Variants in ATM observed in about 807,000 individuals in gnomAD.
ATM encodes ATM serine/threonine kinase.
Under a neutral mutation model 387.0 loss-of-function variants are expected in ATM, and 308 were observed. That is an observed-to-expected ratio of 0.80 (90% CI 0.73 to 0.87). The LOEUF (loss-of-function observed/expected upper bound fraction) is 0.87. Among genes scored for constraint, ATM ranks in the 40% least tolerant of loss-of-function variants. ATM has a pLI of 0.00. For missense variants in ATM, 3,312 were observed against 3,560.9 expected, an observed-to-expected ratio of 0.93 and a Z score of 1.78; for synonymous variants, 1,156 against 1,187.3, an observed-to-expected ratio of 0.97 and a Z score of 0.54.
In ATM at chr11:108,333,900, C is replaced by T. The variant is rs878853547; in HGVS notation, c.7942C>T (p.Pro2648Ser). ...TTTAAATACAGAAGGCATAAATATT[C>T]CAGCAGACCAGCCAATTACTAAACT... ...WKTQRKGINI[P>S]ADQPITKLKN... Residue 2648 changes from proline to serine, a missense_variant, in exon 54 of 63, where the codon CCA (proline) becomes TCA (serine). By Grantham distance (74) the Pro-to-Ser change is moderately conservative (BLOSUM62 -1). Transcript: ENST00000675843. The T allele has an allele frequency of 7.5e-6, 12 of 1,608,546 alleles. No individual in the cohort carries two copies. Among genetic ancestry groups the T allele is most frequent in the Non-Finnish European group, 1.0e-5 (12 of 1,175,052 alleles).
At position 108,252,913 on chromosome 11, in the gene ATM, G is replaced by T. The variant is rs758325274; in HGVS notation, c.1898+1G>T. ...ATTTTTTCCAAAGCGTGCCAGAATG[G>T]TATGTTATCTAATAATGCTCTTTAT... is the stretch of plus-strand genomic sequence containing the variant. On this transcript the variant is annotated splice_donor_variant, in intron 12 of 62. Coordinates refer to ENST00000675843, the MANE Select transcript of ATM (RefSeq NM_000051.4). LOFTEE classifies it high-confidence loss of function. 1 of 1,602,480 alleles carries T rather than the reference G, an allele frequency of 6.2e-7. No individual in the cohort carries two copies. The highest frequency in any genetic ancestry group is 1.1e-5 in the South Asian group (1 of 90,760).
At chr11:108,341,522 C>A (rs2087577086) in intron 56 of ATM, among the ~76,000 whole-genome samples, 1 of 152,018 alleles carries the variant, frequency 6.6e-6, no homozygotes, top group South Asian at 2.1e-4. Flanking sequence ...TGTAATACGC[C>A]CCCAACAAAT....
In ATM at chr11:108,251,890, C is replaced by A. The variant is rs1060501694; in HGVS notation, c.1661C>A (p.Thr554Lys). Residue 554 changes from threonine (T) to lysine (K), a missense_variant, in exon 11 of 63, where the codon ACG (threonine) becomes AAG (lysine). This residue lies in a region of ATM where 1,791 missense variants were observed against 1,804.5 expected (regional missense o/e 0.99). Coordinates refer to ENST00000675843, the MANE Select transcript of ATM (RefSeq NM_000051.4). ...CTGACCACCAGTATAGTTCCAGGAA[C>A]GGTAAAAATGGGAATAGAGCAAAAT... ...LALTTSIVPG[T>K]VKMGIEQNMC... 6.2e-7 allele frequency: 1 copy of A among 1,613,582 alleles called. No individual in the cohort carries two copies. Among genetic ancestry groups the A allele is most frequent in the East Asian group, 2.2e-5 (1 of 44,856 alleles).
chr11:108,237,911 T>G (rs911989538), intron 5 of ATM, among the ~76,000 whole-genome samples: 3 of 148,332 alleles, frequency 2.0e-5, no homozygotes, highest in Admixed American at 1.3e-4. Context: ...TTTTTTTTTT[T>G]TTTTTTTTTT....
At chr11:108,249,923 TG>T (rs1230186929) in intron 9 of ATM, among the ~76,000 whole-genome samples, 1 of 152,180 alleles carries the variant, frequency 6.6e-6, no homozygotes, top group Non-Finnish European at 1.5e-5. Flanking sequence ...ACACCTGTTA[TG>T]GGCTAAGCGT....
At chr11:108,354,938 G>GT in intron 61 of ATM, 64 bp downstream of exon 61, 6 of 1,329,866 alleles carry the variant, frequency 4.5e-6, no homozygotes, top group Non-Finnish European at 6.5e-6. Flanking sequence ...TATCTCATCA[G>GT]GAAGTCACTG....
intron 29 of ATM, among the ~76,000 whole-genome samples, chr11:108,291,371 A>C (rs753354065): frequency 6.6e-6 from 1 of 152,170 alleles, no homozygotes; most frequent in Non-Finnish European, 1.5e-5. Flanking sequence ...TATAACATAA[A>C]ATTTTTTATT....
intron 57 of ATM, among the ~76,000 whole-genome samples, chr11:108,345,446 G>A (rs1446911895): frequency 6.6e-6 from 1 of 152,114 alleles, no homozygotes; most frequent in Non-Finnish European, 1.5e-5. Context: ...GAACTACTTA[G>A]GCATTTCTGT....
At position 108,259,068 on chromosome 11, in the gene ATM, A is replaced by G. The variant is rs952566855; in HGVS notation, c.2459A>G (p.Lys820Arg). 6.2e-7 allele frequency: 1 copy of G among 1,611,840 alleles called. No individual in the cohort carries two copies. Among genetic ancestry groups the G allele is most frequent in the African/African-American group, 1.3e-5 (1 of 74,882 alleles). Residue 820 changes from lysine (K) to arginine (R), a missense_variant, in exon 16 of 63, where the codon AAA (lysine) becomes AGA (arginine). Around this residue, in one of 4 missense-constraint regions of ATM, gnomAD observed 1,791 missense variants for 1,804.5 expected, o/e 0.99. Coordinates refer to ENST00000675843, the MANE Select transcript of ATM (RefSeq NM_000051.4). ...KLMNDIADIC[K>R]SLASFIKKPF... ...ATGAATGACATTGCAGATATTTGTA[A>G]AAGTTTAGTAAGTATGCTTCCTGTT...
rs76379269 is a variant in ATM at position 108,244,828 on chromosome 11, G to C, written c.703G>C (p.Ala235Pro). The C allele has an allele frequency of 1.2e-6, 2 of 1,613,742 alleles. No individual in the cohort carries two copies. Among genetic ancestry groups the C allele is most frequent in the Non-Finnish European group, 1.7e-6 (2 of 1,179,912 alleles). Residue 235 changes from alanine to proline, a missense_variant, in exon 7 of 63, where the codon GCT becomes CCT. Coordinates refer to ENST00000675843, the MANE Select transcript of ATM (RefSeq NM_000051.4). ...TTCAGGTCTAAATCATATCTTAGCA[G>C]CTCTTACTATCTTCCTCAAGACTTT... Reference protein sequence around the residue: ...SSSGLNHILAALTIFLKTLAV... With the variant: ...SSSGLNHILAPLTIFLKTLAV...
Position 108,247,020 on chromosome 11 carries a change from G to A in ATM, c.958G>A (p.Val320Met), listed in dbSNP as rs1060501655. ...SILYNLYDLL[V>M]NEISHIGSRG... ...TTTATACAACTTATATGATCTGCTAGTGAATGAGATAAGTCATATAGGAAG... is the reference window on the plus strand; with the variant it reads ...TTTATACAACTTATATGATCTGCTAATGAATGAGATAAGTCATATAGGAAG... The change falls in exon 8 of 63, where the codon GTG becomes ATG. Residue 320 changes from valine (V) to methionine (M), a missense_variant. Physicochemically the swap from Val to Met is conservative, Grantham distance 21. Around this residue, in one of 4 missense-constraint regions of ATM, gnomAD observed 1,791 missense variants for 1,804.5 expected, o/e 0.99. Coordinates refer to ENST00000675843, the MANE Select transcript of ATM (RefSeq NM_000051.4). 25 of 1,613,144 alleles carry A rather than the reference G, an allele frequency of 1.5e-5. No homozygotes were observed. The highest frequency in any genetic ancestry group is 2.0e-5 in the Non-Finnish European group (24 of 1,179,358).
rs1064795004 is a variant in ATM, at chr11:108,331,978, G to A, written c.7729G>A (p.Val2577Ile). ...NRDEFLTKPEVARRSRITKNV... is the reference protein window; with the variant it reads ...NRDEFLTKPEIARRSRITKNV... The stretch of plus-strand genomic sequence containing the variant: ...AGATGAATTTCTGACTAAACCAGAG[G>A]TAGCCAGAAGAAGCAGAATAACTAA... The change falls in exon 52 of 63, where the codon GTA (valine) becomes ATA (isoleucine). Residue 2577 changes from valine to isoleucine, a missense_variant. Coordinates refer to ENST00000675843, the MANE Select transcript of ATM (RefSeq NM_000051.4). 1 of 1,614,028 alleles carries A rather than the reference G, an allele frequency of 6.2e-7. No homozygotes were observed. Among genetic ancestry groups the A allele is most frequent in the Non-Finnish European group, 8.5e-7 (1 of 1,179,966 alleles).
rs1050667178 is a variant in ATM at position 108,258,934 on chromosome 11, A to G, written c.2377-52A>G. On this transcript the variant is annotated intron_variant, in intron 15 of 62. Transcript: ENST00000675843. Reference sequence around the variant, plus strand: ...ATAGAGAAAACACTGTCTGCCAAGAATAATTGTTTTTATTTCTTTGTTGCT... The same window carrying G: ...ATAGAGAAAACACTGTCTGCCAAGAGTAATTGTTTTTATTTCTTTGTTGCT... 9.0e-6 allele frequency: 13 copies of G among 1,444,750 alleles called. No individual in the cohort carries two copies. The Middle Eastern group carries it at 5.3e-4, about 59-fold the overall frequency. 89.5% of individuals were successfully genotyped at this position (1,444,750 alleles called of 1,614,324 possible). A position where few individuals can be genotyped will look rare whatever the true frequency, so the allele number is the denominator to read the frequency against.
intron 61 of ATM, 101 bp downstream of exon 61, chr11:108,354,975 CAT>C (rs2089720167): frequency 4.0e-6 from 4 of 1,004,306 alleles, no homozygotes; most frequent in East Asian, 2.4e-5. Context: ...TTCATTTTAA[CAT>C]AGGGGGATGT....
rs894871243 is a variant in ATM at position 108,243,934 on chromosome 11, A to G, written c.497-19A>G. On this transcript the variant is annotated intron_variant, in intron 5 of 62. Coordinates refer to ENST00000675843, the MANE Select transcript of ATM (RefSeq NM_000051.4). ...GATTTTTAAAAAATCATGACTAATA[A>G]TTTTTTTTTTTTTTTAAGAATTGTT... 2 of 1,200,638 alleles carry G rather than the reference A, an allele frequency of 1.7e-6. No individual in the cohort carries two copies. Among genetic ancestry groups the G allele is most frequent in the Non-Finnish European group, 2.3e-6 (2 of 874,614 alleles). 74.4% of individuals were successfully genotyped at this position (1,200,638 alleles called of 1,614,324 possible). A position where few individuals can be genotyped will look rare whatever the true frequency, so the allele number is the denominator to read the frequency against.
At chr11:108,363,935 C>A (rs1167790477) in intron 61 of ATM, among the ~76,000 whole-genome samples, 1 of 152,128 alleles carries the variant, frequency 6.6e-6, no homozygotes, top group Non-Finnish European at 1.5e-5. Context: ...TAATATTTCC[C>A]TTTTGTGGGT....
chr11:108,290,207 C>A (rs2082709713), intron 29 of ATM: 1 of 155,360 alleles, frequency 6.4e-6, no homozygotes, highest in Admixed American at 6.4e-5. Flanking sequence ...GAGGTAGATA[C>A]CAGAATGTTG....
At chr11:108,323,612 A>G (rs960697658) in intron 45 of ATM, among the ~76,000 whole-genome samples, 5 of 152,224 alleles carry the variant, frequency 3.3e-5, no homozygotes, top group African/African-American at 7.2e-5. Context: ...CAATTACCCA[A>G]ATTTGATCAT....
chr11:108,287,779 G>C, intron 27 of ATM, 64 bp downstream of exon 27: 1 of 1,151,624 alleles, frequency 8.7e-7, no homozygotes, highest in Non-Finnish European at 1.3e-6. Flanking sequence ...AAGTTTATTG[G>C]TTGACACCTT....
Sources: allele counts gnomAD v4.1 joint callset (sites outside exome capture counted in the v4.1 genomes callset), GRCh38; gene constraint gnomAD v4.1.1; regional missense constraint gnomAD v4.1.1; transcripts MANE v1.5; gene names NCBI Gene and HGNC (gene_info 2026-07-23, HGNC 2026-07-21).